Variants in SLC38A6 observed in about 807,000 individuals in gnomAD.
The protein encoded by SLC38A6 is N system amino acid transporter NAT-1.
Under a neutral mutation model 65.0 loss-of-function variants are expected in SLC38A6, and 73 were observed. The observed-to-expected ratio is 1.12, with a 90% CI of 0.93 to 1.37. The LOEUF (loss-of-function observed/expected upper bound fraction) is 1.37. Among genes scored for constraint, SLC38A6 ranks in the 40% most tolerant of loss-of-function variants. The pLI, the probability that SLC38A6 is intolerant of heterozygous loss-of-function variation, is 0.00. For synonymous variants in SLC38A6, 183 were observed against 178.8 expected, an observed-to-expected ratio of 1.02 and a Z score of -0.19; for missense variants, 561 against 531.1, an observed-to-expected ratio of 1.06 and a Z score of -0.55.
chr14:61,078,316 AGAAT>A (rs1222547540), intron 15 of SLC38A6, among the ~76,000 whole-genome samples: 1 of 152,252 alleles, frequency 6.6e-6, no homozygotes, highest in Non-Finnish European at 1.5e-5. Flanking sequence ...AGTAGAAATG[AGAAT>A]GAAAGGAAGA....
At chr14:61,062,031 G>C (rs1295096507) in intron 15 of SLC38A6, among the ~76,000 whole-genome samples, 1 of 152,066 alleles carries the variant, frequency 6.6e-6, no homozygotes, top group South Asian at 2.1e-4. Flanking sequence ...TAGAGATGGG[G>C]TTTTACCATG....
At chr14:61,073,279 T>G (rs1489070361) in intron 15 of SLC38A6, among the ~76,000 whole-genome samples, 1 of 152,224 alleles carries the variant, frequency 6.6e-6, no homozygotes, top group African/African-American at 2.4e-5. Context: ...ATTCTGATTC[T>G]TAATCCCACT....
chr14:60,992,772 C>T (rs554822896), intron 3 of SLC38A6, among the ~76,000 whole-genome samples: 26 of 152,062 alleles, frequency 1.7e-4, no homozygotes, highest in African/African-American at 6.3e-4. Context: ...CCGCAACCTC[C>T]GCCTCCTGGG....
chr14:61,047,955 TTAGATAGATAGA>T (rs200441090), intron 12 of SLC38A6, among the ~76,000 whole-genome samples: 12 of 149,788 alleles, frequency 8.0e-5, no homozygotes, highest in African/African-American at 2.7e-4. Context: ...AGATGATAGA[TTAGATAGATAGA>T]TAGATAGATA....
At chr14:61,013,548 C>T (rs1199452681) in intron 3 of SLC38A6, among the ~76,000 whole-genome samples, 2 of 152,190 alleles carry the variant, frequency 1.3e-5, no homozygotes, top group Non-Finnish European at 2.9e-5. Context: ...ATGTTTAGTG[C>T]TTCCTTCAGG....
rs2037135974 is a variant in SLC38A6 at position 60,982,508 on chromosome 14, G to C, written c.106G>C (p.Glu36Gln). ...AEELSPLLSN[E>Q]LHRQRSPGVS... ...CACTACTAAATTTGTGTGCTTACAG[G>C]AACTTCACAGACAGCGATCCCCAGG... Residue 36 changes from glutamate to glutamine, a missense_variant and splice_region_variant, in exon 2 of 16, where the codon GAA becomes CAA. Transcript: ENST00000267488. 1 of 1,607,036 alleles carries C rather than the reference G, an allele frequency of 6.2e-7. No individual in the cohort carries two copies. Among genetic ancestry groups the C allele is most frequent in the East Asian group, 2.2e-5 (1 of 44,846 alleles).
intron 3 of SLC38A6, among the ~76,000 whole-genome samples, chr14:61,007,189 G>A (rs2039197471): frequency 6.6e-6 from 1 of 152,140 alleles, no homozygotes; most frequent in African/African-American, 2.4e-5. Context: ...GGGAGGAAGG[G>A]AGAGGGATAG....
intron 8 of SLC38A6, among the ~76,000 whole-genome samples, chr14:61,042,361 T>G (rs1472997630): frequency 6.6e-6 from 1 of 152,224 alleles, no homozygotes; most frequent in East Asian, 1.9e-4. Flanking sequence ...TGTCCTTTTG[T>G]GCACTGGGAT....
intron 15 of SLC38A6, among the ~76,000 whole-genome samples, chr14:61,077,646 G>A (rs187354431): frequency 1.7e-3 from 263 of 152,102 alleles, no homozygotes; most frequent in Middle Eastern, 6.8e-3. Flanking sequence ...TCATTCATTT[G>A]CATTCAAATA....
At chr14:61,015,108 C>T (rs1422732579) in intron 3 of SLC38A6, among the ~76,000 whole-genome samples, 1 of 152,244 alleles carries the variant, frequency 6.6e-6, no homozygotes, top group Non-Finnish European at 1.5e-5. Context: ...AGCCTCGCTG[C>T]AGCCTTGCAG....
intron 4 of SLC38A6, among the ~76,000 whole-genome samples, chr14:61,018,194 A>G (rs1386387814): frequency 6.6e-6 from 1 of 152,248 alleles, no homozygotes; most frequent in Admixed American, 6.5e-5. Context: ...TTTGCAATAT[A>G]TTAATTGAAA....
chr14:61,068,469 C>G (rs1048495431), intron 15 of SLC38A6, among the ~76,000 whole-genome samples: 8 of 152,174 alleles, frequency 5.3e-5, no homozygotes, highest in African/African-American at 1.9e-4. Context: ...CTTTCATTCT[C>G]CAGCCACACT....
intron 1 of SLC38A6, 118 bp from the exon 2 acceptor site, chr14:60,982,390 C>A: frequency 7.6e-7 from 1 of 1,315,002 alleles, no homozygotes; most frequent in East Asian, 2.4e-5. Context: ...ACGAGTGTGT[C>A]ATACAAACCC....
intron 15 of SLC38A6, among the ~76,000 whole-genome samples, chr14:61,061,480 A>G (rs532968980): frequency 6.6e-6 from 1 of 152,152 alleles, no homozygotes; most frequent in South Asian, 2.1e-4. Context: ...CTCCTCCTCA[A>G]TTTTTTTGGA....
intron 3 of SLC38A6, among the ~76,000 whole-genome samples, chr14:60,993,621 T>C (rs939347602): frequency 2.0e-5 from 3 of 152,206 alleles, no homozygotes; most frequent in Admixed American, 6.5e-5. Flanking sequence ...ACAGAATTTC[T>C]CCTGCCCAAG....
chr14:61,022,638 G>A (rs2139599536), intron 5 of SLC38A6, among the ~76,000 whole-genome samples: 1 of 151,992 alleles, frequency 6.6e-6, no homozygotes, highest in Admixed American at 6.6e-5. Context: ...CATCTTAAGT[G>A]CCTGTCTGCA....
At chr14:61,009,539 C>A (rs572996523) in intron 3 of SLC38A6, among the ~76,000 whole-genome samples, 3 of 151,702 alleles carry the variant, frequency 2.0e-5, no homozygotes, top group African/African-American at 7.2e-5. Context: ...CCTCCCCCTC[C>A]CCCACCCCAC....
At chr14:61,018,440 G>T (rs140431923) in intron 4 of SLC38A6, among the ~76,000 whole-genome samples, 2 of 152,182 alleles carry the variant, frequency 1.3e-5, no homozygotes, top group East Asian at 3.9e-4. Flanking sequence ...AAACCTCAAG[G>T]CTCCTAGGTC....
chr14:61,023,602 C>T (rs74927066), intron 5 of SLC38A6, among the ~76,000 whole-genome samples: 1,618 of 142,202 alleles, frequency 0.011, 21 homozygotes, highest in African/African-American at 0.031. Flanking sequence ...TATATATATA[C>T]ACACACACAC....
Sources: allele counts gnomAD v4.1 joint callset (sites outside exome capture counted in the v4.1 genomes callset), GRCh38; gene constraint gnomAD v4.1.1; transcripts MANE v1.5; gene names NCBI Gene and HGNC (gene_info 2026-07-23, HGNC 2026-07-21).